VEZT: variants seen among roughly 807,000 people sequenced by gnomAD.
The protein encoded by VEZT is vezatin, adherens junctions transmembrane protein.
In VEZT, 39 loss-of-function variants were observed where a neutral mutation model predicts 79.9. That is an observed-to-expected ratio of 0.49 (90% confidence interval 0.38 to 0.64). The LOEUF (loss-of-function observed/expected upper bound fraction) is 0.64. VEZT is among the 30% of genes least tolerant of loss of function. The pLI is 0.00. For missense variants in VEZT, 837 were observed against 893.1 expected, an observed-to-expected ratio of 0.94 and a Z score of 0.80; for synonymous variants, 325 against 327.6, an observed-to-expected ratio of 0.99 and a Z score of 0.09.
chr12:95,238,891 A>G (rs2060524950), intron 1 of VEZT, among the ~76,000 whole-genome samples: 1 of 152,252 alleles, frequency 6.6e-6, no homozygotes, highest in Admixed American at 6.5e-5. Context: ...TAAATAAATC[A>G]TGATAGATTC....
chr12:95,254,980 G>A (rs1056116284), intron 2 of VEZT, among the ~76,000 whole-genome samples: 1 of 151,958 alleles, frequency 6.6e-6, no homozygotes, highest in Non-Finnish European at 1.5e-5. Context: ...AGTTTTAGCA[G>A]CAGGCTTCTC....
At chr12:95,284,592 C>T (rs1399966238) in intron 8 of VEZT, among the ~76,000 whole-genome samples, 2 of 152,238 alleles carry the variant, frequency 1.3e-5, no homozygotes, top group Non-Finnish European at 2.9e-5. Context: ...AACCTGACTA[C>T]AGTCTGTTTC....
chr12:95,267,804 T>A (rs1042272891), intron 5 of VEZT, among the ~76,000 whole-genome samples: 1 of 151,642 alleles, frequency 6.6e-6, no homozygotes, highest in Admixed American at 6.6e-5. Context: ...TGAGGATCAC[T>A]TGAGCCCAGG....
chr12:95,283,334 A>G (rs1039501967), intron 8 of VEZT, among the ~76,000 whole-genome samples: 1 of 152,228 alleles, frequency 6.6e-6, no homozygotes, highest in African/African-American at 2.4e-5. Flanking sequence ...ATTTAATTGA[A>G]TACAGTCATT....
At chr12:95,218,157 TCTTC>T (rs371915932) in intron 1 of VEZT, 30 of 328,054 alleles carry the variant, frequency 9.1e-5, no homozygotes, top group African/African-American at 6.5e-4. Context: ...GAGCGGTGTC[TCTTC>T]CTTCCTGGGA....
chr12:95,275,580 A>T (rs1428940562), intron 7 of VEZT, among the ~76,000 whole-genome samples: 1 of 151,076 alleles, frequency 6.6e-6, no homozygotes, highest in Non-Finnish European at 1.5e-5. Flanking sequence ...TCCATCTCAA[A>T]AAAAAAAAAA....
chr12:95,228,744 C>T (rs1018133791), intron 1 of VEZT, among the ~76,000 whole-genome samples: 2 of 152,144 alleles, frequency 1.3e-5, no homozygotes, highest in African/African-American at 4.8e-5. Context: ...TAGTTCACAC[C>T]TGTAATCCCA....
chr12:95,298,134 A>T (rs2074563368), intron 11 of VEZT, among the ~76,000 whole-genome samples: 1 of 150,918 alleles, frequency 6.6e-6, no homozygotes, highest in Non-Finnish European at 1.5e-5. Flanking sequence ...AATAATAATA[A>T]TAATAATAAT....
intron 7 of VEZT, chr12:95,275,914 TATGATAAA>T (rs1459350020): frequency 8.3e-6 from 1 of 120,138 alleles, no homozygotes; most frequent in Non-Finnish European, 2.1e-5. Flanking sequence ...GGCCAATAAA[TATGATAAA>T]ATTTTTCATT....
intron 2 of VEZT, among the ~76,000 whole-genome samples, chr12:95,256,177 G>A (rs990074347): frequency 1.3e-5 from 2 of 151,874 alleles, no homozygotes; most frequent in African/African-American, 2.4e-5. Context: ...TCAGCCTCCC[G>A]AGTAGCTGGG....
At chr12:95,253,205 A>G (rs2062894603) in intron 2 of VEZT, among the ~76,000 whole-genome samples, 1 of 152,206 alleles carries the variant, frequency 6.6e-6, no homozygotes, top group Non-Finnish European at 1.5e-5. Flanking sequence ...TGAGCATTCT[A>G]GTTTAATCAG....
chr12:95,250,462 C>T (rs1040542923), intron 1 of VEZT, among the ~76,000 whole-genome samples: 5 of 151,604 alleles, frequency 3.3e-5, no homozygotes, highest in African/African-American at 9.7e-5. Context: ...GCCATCATGC[C>T]CGGCTGATTT....
chr12:95,233,499 A>G (rs1018334934), intron 1 of VEZT, among the ~76,000 whole-genome samples: 3 of 152,170 alleles, frequency 2.0e-5, no homozygotes, highest in Non-Finnish European at 2.9e-5. Flanking sequence ...TCCCAGGTTC[A>G]AGTGATTCTC....
chr12:95,280,486 A>C (rs929119985), intron 7 of VEZT, among the ~76,000 whole-genome samples: 2 of 89,256 alleles, frequency 2.2e-5, no homozygotes, highest in Non-Finnish European at 5.8e-5. Context: ...ACATACACAC[A>C]CACACACACA....
chr12:95,235,487 G>A (rs561270568), intron 1 of VEZT, among the ~76,000 whole-genome samples: 2 of 138,734 alleles, frequency 1.4e-5, no homozygotes, highest in South Asian at 2.3e-4. Context: ...CAGTAGGGGC[G>A]GCCGGGCAGA....
At chr12:95,262,813 C>T (rs553979634) in intron 3 of VEZT, 93 bp from the exon 4 acceptor site, 19 of 1,185,826 alleles carry the variant, frequency 1.6e-5, no homozygotes, top group Non-Finnish European at 2.1e-5. Flanking sequence ...TGAAAATAAA[C>T]ACCACCAAAT....
At chr12:95,230,574 C>CTTTT (rs56104790) in intron 1 of VEZT, among the ~76,000 whole-genome samples, 1 of 137,144 alleles carries the variant, frequency 7.3e-6, no homozygotes, top group Non-Finnish European at 1.6e-5. Context: ...GTTATCTCTC[C>CTTTT]TTTTTTTTTT....
At chr12:95,236,086 G>A (rs2137089135) in intron 1 of VEZT, among the ~76,000 whole-genome samples, 1 of 152,226 alleles carries the variant, frequency 6.6e-6, no homozygotes, top group East Asian at 1.9e-4. Context: ...GGGAGGTGGA[G>A]GTTGTAGCGA....
rs139604876 is a variant in VEZT, at chr12:95,256,251, A to G, written c.169-899A>G. On this transcript the variant is annotated intron_variant, in intron 2 of 11. Transcript: ENST00000436874. ...TTTTTCGTAGAGACGGGGTTTCTCCATGTTGGTCAGGCTGGTCTCAAACCC... is the reference window on the plus strand; with the variant it reads ...TTTTTCGTAGAGACGGGGTTTCTCCGTGTTGGTCAGGCTGGTCTCAAACCC... Among the ~76,000 whole-genome samples, 435 of 152,136 alleles carry G rather than the reference A, an allele frequency of 2.9e-3. 5 individuals are homozygous for G. The East Asian group carries it at 0.039, about 14-fold the overall frequency.
Sources: gnomAD v4.1 joint callset for allele counts (sites outside exome capture counted in the v4.1 genomes callset) on GRCh38, gnomAD v4.1.1 for gene constraint, MANE v1.5 for transcripts, NCBI Gene and HGNC (gene_info 2026-07-23, HGNC 2026-07-21) for gene names.